SLCO3A1: variants seen among roughly 807,000 people sequenced by gnomAD.
SLCO3A1 encodes PGE1 transporter.
A neutral mutation model predicts 63.1 loss-of-function variants in SLCO3A1; 27 were observed. The ratio of observed to expected loss-of-function variants is 0.43; its 90% confidence interval spans 0.32 to 0.59. The LOEUF (loss-of-function observed/expected upper bound fraction) is 0.59, where lower values mean the gene tolerates loss of function less well. Among genes scored for constraint, SLCO3A1 ranks in the 20% least tolerant of loss-of-function variants. The probability of loss-of-function intolerance (pLI) is 0.09; values close to 1 mark genes in which losing one functional copy is unlikely to be tolerated. For synonymous variants in SLCO3A1, 473 were observed against 409.9 expected (o/e 1.15, Z -1.86); for missense variants, 773 against 945.8 (o/e 0.82, Z 2.40).
intron 8 of SLCO3A1, among the ~76,000 whole-genome samples, chr15:92,148,079 A>G (rs2048253484): frequency 6.6e-6 from 1 of 152,180 alleles, no homozygotes; most frequent in Non-Finnish European, 1.5e-5. Flanking sequence ...GTGTTGGCAC[A>G]TGCTTGTAAT....
chr15:91,961,865 CAG>C (rs1186326488), intron 2 of SLCO3A1, among the ~76,000 whole-genome samples: 1 of 152,200 alleles, frequency 6.6e-6, no homozygotes, highest in Non-Finnish European at 1.5e-5. Context: ...AGATGGTTCT[CAG>C]AACATGGAAG....
chr15:92,146,696 A>T lies in SLCO3A1; in HGVS notation c.1513-288A>T, dbSNP rs72655653. 7.4e-3 allele frequency among the ~76,000 whole-genome samples: 1,134 copies of T among 152,342 alleles called. 14 individuals are homozygous for T. Among genetic ancestry groups the T allele is most frequent in the Non-Finnish European group, 9.9e-3 (674 of 68,036 alleles). ...GAAGCGCAATTTCCTCTCTAATTGT[A>T]TTGGGGGGGACACATTTATCTGTGG... On this transcript the variant is annotated intron_variant, in intron 7 of 9. Transcript: ENST00000318445.
At chr15:92,095,814 A>G (rs1049917602) in intron 3 of SLCO3A1, among the ~76,000 whole-genome samples, 1 of 152,152 alleles carries the variant, frequency 6.6e-6, no homozygotes, top group African/African-American at 2.4e-5. Flanking sequence ...GCCCAGGCCC[A>G]CAGAAGTTCC....
chr15:92,027,090 CAAA>C (rs79713708), intron 2 of SLCO3A1, among the ~76,000 whole-genome samples: 65 of 121,078 alleles, frequency 5.4e-4, no homozygotes, highest in Admixed American at 1.4e-3. Context: ...ACTTTGTCTC[CAAA>C]AAAAAAAAAA....
At chr15:91,946,122 G>A (rs1899796581) in intron 2 of SLCO3A1, among the ~76,000 whole-genome samples, 1 of 152,218 alleles carries the variant, frequency 6.6e-6, no homozygotes, top group Non-Finnish European at 1.5e-5. Context: ...TTACTTCAGG[G>A]AGTGTGTCCC....
rs1016472284 is a variant in SLCO3A1 at position 91,854,156 on chromosome 15, C to G, written c.180+68C>G. 1.7e-5 allele frequency: 22 copies of G among 1,272,170 alleles called. No individual in the cohort carries two copies. The highest frequency in any genetic ancestry group is 2.2e-5 in the Non-Finnish European group (22 of 991,180). The allele number at this position is 1,272,170 out of a possible 1,614,324, so 78.8% of individuals were successfully genotyped here. A position where few individuals can be genotyped will look rare whatever the true frequency, so the allele number is the denominator to read the frequency against. On this transcript the variant is annotated intron_variant, in intron 1 of 9. Coordinates refer to ENST00000318445, the MANE Select transcript of SLCO3A1 (RefSeq NM_013272.4). The surrounding 1 kb of genome is among the most constrained non-coding windows in gnomAD (Gnocchi z 6.4). The stretch of plus-strand genomic sequence containing the variant: ...CCGGCTCTCGAGCGGCCGCCTGGCC[C>G]GACGAGGGGGCCGCCCGGCGCTGGG...
intron 2 of SLCO3A1, among the ~76,000 whole-genome samples, chr15:92,087,344 C>A (rs1296351623): frequency 3.3e-5 from 5 of 152,112 alleles, no homozygotes; most frequent in Admixed American, 6.6e-5. Flanking sequence ...GCCAGAGGCA[C>A]CTTGGCTTTA....
At position 92,136,194 on chromosome 15, in the gene SLCO3A1, C is replaced by T. The variant is rs191368141; in HGVS notation, c.1512+7705C>T. 2.1e-4 allele frequency among the ~76,000 whole-genome samples: 32 copies of T among 152,280 alleles called. 1 individual carries two copies. The highest frequency in any genetic ancestry group is 2.0e-3 in the Admixed American group (30 of 15,296). On this transcript the variant is annotated intron_variant, in intron 7 of 9. Transcript: ENST00000318445. The stretch of plus-strand genomic sequence containing the variant: ...AAAAGCAAAAACAGTATTCCAGGGG[C>T]GATCCTCTACCTTTCAAGTTTCCAT...
At chr15:91,864,913 C>T (rs1336768860) in intron 1 of SLCO3A1, among the ~76,000 whole-genome samples, 1 of 152,204 alleles carries the variant, frequency 6.6e-6, no homozygotes, top group Non-Finnish European at 1.5e-5. Context: ...CCATCAGTGT[C>T]ACGCCTCACC....
At chr15:92,161,628 A>G (rs1476130905) in intron 9 of SLCO3A1, 1 of 152,272 alleles carries the variant, frequency 6.6e-6, no homozygotes. Context: ...CATTTAAACT[A>G]TATGTGTATA....
rs542763434 is a variant in SLCO3A1 at position 92,026,765 on chromosome 15, A to G, written c.647-68116A>G. Reference sequence around the variant, plus strand: ...CTGAAAACAATGGACAATTCATGAGAGAGTGTAACAACATTCCCACCAAAT... The same window carrying G: ...CTGAAAACAATGGACAATTCATGAGGGAGTGTAACAACATTCCCACCAAAT... On this transcript the variant is annotated intron_variant, in intron 2 of 9. Coordinates refer to ENST00000318445, the MANE Select transcript of SLCO3A1 (RefSeq NM_013272.4). 2.0e-5 allele frequency among the ~76,000 whole-genome samples: 3 copies of G among 152,330 alleles called. No individual in the cohort carries two copies. The South Asian group carries it at 6.2e-4, about 32-fold the overall frequency.
chr15:92,165,596 G>A lies in SLCO3A1; in HGVS notation c.*2461G>A. Reference sequence around the variant, plus strand: ...ATGTGAAAAAGATGTTAGAATAACAGGAAGACAACTCCAGGGCTGAGTTTT... The same window carrying A: ...ATGTGAAAAAGATGTTAGAATAACAAGAAGACAACTCCAGGGCTGAGTTTT... On this transcript the variant is annotated 3_prime_UTR_variant, in exon 10 of 10. Transcript: ENST00000318445. The A allele has an allele frequency of 3.0e-6, 3 of 985,100 alleles. No homozygotes were observed. The highest frequency in any genetic ancestry group is 1.7e-5 in the African/African-American group (1 of 57,308). The allele number at this position is 985,100 out of a possible 1,614,324, so 61.0% of individuals were successfully genotyped here.
intron 2 of SLCO3A1, among the ~76,000 whole-genome samples, chr15:91,939,364 C>T (rs1470212969): frequency 1.3e-5 from 2 of 152,156 alleles, no homozygotes; most frequent in East Asian, 3.9e-4. Context: ...TCACCTCCCG[C>T]CAGGCCCCAC....
chr15:92,134,811 G>A (rs2048036456), intron 7 of SLCO3A1, among the ~76,000 whole-genome samples: 1 of 152,150 alleles, frequency 6.6e-6, no homozygotes, highest in African/African-American at 2.4e-5. Flanking sequence ...TCTAAAAGAG[G>A]GAAGCAGCTG....
chr15:92,028,972 G>GTGT (rs2046612564), intron 2 of SLCO3A1, among the ~76,000 whole-genome samples: 2 of 109,076 alleles, frequency 1.8e-5, no homozygotes, highest in South Asian at 6.4e-4. Context: ...CCTGACCCAT[G>GTGT]GTCAAACAAC....
At position 91,886,482 on chromosome 15, in the gene SLCO3A1, G is replaced by C. The variant is rs531808983; in HGVS notation, c.181-29511G>C. On this transcript the variant is annotated intron_variant, in intron 1 of 9. Transcript: ENST00000318445. This position sits in a 1 kb window ranked among gnomAD's most constrained non-coding sequence, Gnocchi z 4.9. ...CCTCAGCAGTGCTCCATGCCTAGAA[G>C]GCCCCAGTGAGCATTGACTTGGACC... Among the ~76,000 whole-genome samples, 1 of 152,262 alleles carries C rather than the reference G, an allele frequency of 6.6e-6. No individual in the cohort carries two copies. The highest frequency in any genetic ancestry group is 2.4e-5 in the African/African-American group (1 of 41,552).
chr15:92,022,384 A>G (rs1168029011), intron 2 of SLCO3A1, among the ~76,000 whole-genome samples: 1 of 152,206 alleles, frequency 6.6e-6, no homozygotes, highest in Non-Finnish European at 1.5e-5. Flanking sequence ...GACCAAGGGT[A>G]ATAGTCACCC....
chr15:91,975,385 T>G (rs572815791), intron 2 of SLCO3A1, among the ~76,000 whole-genome samples: 20 of 152,348 alleles, frequency 1.3e-4, no homozygotes, highest in African/African-American at 4.8e-4. Context: ...CCCCTGCAGT[T>G]GGCTCCCTAA....
At chr15:92,099,164 A>G (rs1161818167) in intron 3 of SLCO3A1, among the ~76,000 whole-genome samples, 1 of 152,234 alleles carries the variant, frequency 6.6e-6, no homozygotes, top group Non-Finnish European at 1.5e-5. Context: ...TGGCGTTTGC[A>G]GCTGGAACAA....
Sources: gnomAD v4.1 joint callset for allele counts (sites outside exome capture counted in the v4.1 genomes callset) on GRCh38, gnomAD v4.1.1 for gene constraint, Gnocchi (gnomAD v3.1) non-coding constraint, MANE v1.5 for transcripts, NCBI Gene and HGNC (gene_info 2026-07-23, HGNC 2026-07-21) for gene names.